PDE1C: variants seen among roughly 807,000 people sequenced by gnomAD.
The protein encoded by PDE1C is phosphodiesterase 1C.
A neutral mutation model predicts 93.1 loss-of-function variants in PDE1C; 62 were observed. The ratio of observed to expected loss-of-function variants is 0.67; its 90% CI spans 0.54 to 0.82. The LOEUF (loss-of-function observed/expected upper bound fraction) is 0.82. Among genes scored for constraint, PDE1C ranks in the 40% least tolerant of loss-of-function variants. PDE1C has a pLI of 0.00. For synonymous variants in PDE1C, 325 were observed against 310.1 expected (o/e 1.05, Z -0.50); for missense variants, 742 against 884.6 (o/e 0.84, Z 2.04).
intron 14 of PDE1C, chr7:31,820,485 A>G (rs143631776): frequency 8.5e-5 from 13 of 152,248 alleles, no homozygotes; most frequent in African/African-American, 3.1e-4. Context: ...AAGGGCTATA[A>G]AAATATTTAT....
the PDE1C span, among the ~76,000 whole-genome samples, chr7:31,634,489 CAGAG>C: frequency 6.6e-6 from 1 of 152,068 alleles, no homozygotes; most frequent in Non-Finnish European, 1.5e-5. Context: ...GGGACAGACT[CAGAG>C]AGAGTAAGAG....
intron 1 of PDE1C, among the ~76,000 whole-genome samples, chr7:32,342,852 G>A (rs1783784910): frequency 6.6e-6 from 1 of 152,120 alleles, no homozygotes; most frequent in African/African-American, 2.4e-5. Flanking sequence ...GCTTTCTTAT[G>A]CAGAAATGTT....
chr7:31,945,510 G>A lies in PDE1C; in HGVS notation c.129-64650C>T, dbSNP rs543577174. On this transcript the variant is annotated intron_variant, in intron 2 of 17. Coordinates refer to ENST00000396191, the MANE Select transcript of PDE1C (RefSeq NM_001191057.4). ...TTCACTAAATAAAAATTCTAGATGGGTAATTTCTTTTTCTTTCAATACTTC... is the reference window on the plus strand; with the variant it reads ...TTCACTAAATAAAAATTCTAGATGGATAATTTCTTTTTCTTTCAATACTTC... Among the ~76,000 whole-genome samples the A allele has an allele frequency of 5.3e-4, 80 of 152,092 alleles. No individual in the cohort carries two copies. In the South Asian group the frequency reaches 0.016, roughly 31 times the overall value.
chr7:31,696,816 G>T, the PDE1C span: 1 of 846,526 alleles, frequency 1.2e-6, no homozygotes, highest in Non-Finnish European at 1.8e-6. Flanking sequence ...AAATACTAAT[G>T]CTTCTTATGA....
At chr7:31,732,638 C>CTTTGTGTGTG in the PDE1C span, among the ~76,000 whole-genome samples, 1 of 144,310 alleles carries the variant, frequency 6.9e-6, no homozygotes, top group East Asian at 2.1e-4. Flanking sequence ...TCCTCTCTTT[C>CTTTGTGTGTG]TGTGTGTGTG....
upstream of PDE1C, among the ~76,000 whole-genome samples, chr7:32,074,115 T>C (rs1015761523): frequency 1.3e-5 from 2 of 152,186 alleles, no homozygotes; most frequent in Admixed American, 1.3e-4. Flanking sequence ...ACTAAGTCTA[T>C]GGACTAGCCA....
intron 3 of PDE1C, among the ~76,000 whole-genome samples, chr7:32,163,399 G>A (rs897871312): frequency 1.3e-5 from 2 of 152,184 alleles, no homozygotes; most frequent in South Asian, 2.1e-4. Context: ...TGAGTTCAAC[G>A]ATTTAATTCT....
intron 3 of PDE1C, among the ~76,000 whole-genome samples, chr7:32,157,006 C>CT (rs1426042808): frequency 1.2e-4 from 19 of 152,210 alleles, no homozygotes; most frequent in African/African-American, 4.6e-4. Flanking sequence ...GAGAAGGACT[C>CT]AGTGTCACTT....
intron 2 of PDE1C, among the ~76,000 whole-genome samples, chr7:31,890,452 C>T (rs1798479263): frequency 6.6e-6 from 1 of 152,130 alleles, no homozygotes; most frequent in African/African-American, 2.4e-5. Context: ...AGGTTGCAAC[C>T]CATGCCTAGA....
At chr7:31,812,825 C>T (rs1410372565) in intron 15 of PDE1C, among the ~76,000 whole-genome samples, 1 of 152,078 alleles carries the variant, frequency 6.6e-6, no homozygotes, top group Non-Finnish European at 1.5e-5. Flanking sequence ...TCTGATGGCC[C>T]CTCTCCCTGA....
intron 1 of PDE1C, among the ~76,000 whole-genome samples, chr7:32,220,037 A>C (rs1429569869): frequency 1.3e-5 from 2 of 151,816 alleles, no homozygotes; most frequent in African/African-American, 4.8e-5. Flanking sequence ...CATGTGAGTC[A>C]TGTCTTTTGC....
At chr7:32,078,060 T>C (rs1245155350) in intron 3 of PDE1C, 1 of 983,774 alleles carries the variant, frequency 1.0e-6, no homozygotes, top group Non-Finnish European at 1.2e-6. Flanking sequence ...CTAATGAAAT[T>C]GAAATTTTTG....
chr7:31,872,420 C>T (rs556385432), intron 6 of PDE1C, among the ~76,000 whole-genome samples: 2 of 152,086 alleles, frequency 1.3e-5, no homozygotes, highest in South Asian at 2.1e-4. Flanking sequence ...ATAAATAATG[C>T]GGGTAATGGA....
At chr7:31,961,642 C>A (rs188119120) in intron 2 of PDE1C, among the ~76,000 whole-genome samples, 6 of 152,260 alleles carry the variant, frequency 3.9e-5, no homozygotes, top group Admixed American at 3.3e-4. Flanking sequence ...TAGTTCCATA[C>A]TGGATCATGC....
intron 2 of PDE1C, among the ~76,000 whole-genome samples, chr7:31,934,461 G>A (rs1563060522): frequency 6.6e-6 from 1 of 151,644 alleles, no homozygotes; most frequent in Non-Finnish European, 1.5e-5. Context: ...TGTGTAACAT[G>A]CTTTGCACTG....
At chr7:32,332,413 C>A (rs183768711) in intron 1 of PDE1C, among the ~76,000 whole-genome samples, 85 of 152,078 alleles carry the variant, frequency 5.6e-4, no homozygotes, top group African/African-American at 2.0e-3. Context: ...GCAAATAACC[C>A]TCTCATACAT....
intron 3 of PDE1C, among the ~76,000 whole-genome samples, chr7:32,127,062 A>G (rs1799626558): frequency 6.6e-6 from 1 of 152,216 alleles, no homozygotes; most frequent in African/African-American, 2.4e-5. Flanking sequence ...GGGCCTGCAC[A>G]GAACAAAAAA....
intron 14 of PDE1C, among the ~76,000 whole-genome samples, chr7:31,818,546 T>A (rs1788554356): frequency 1.3e-5 from 2 of 152,194 alleles, no homozygotes; most frequent in African/African-American, 2.4e-5. Context: ...TCTGTATGTA[T>A]CTTCATCAGT....
intron 16 of PDE1C, among the ~76,000 whole-genome samples, chr7:31,777,150 A>G (rs1260632329): frequency 1.3e-5 from 2 of 151,992 alleles, no homozygotes; most frequent in Non-Finnish European, 2.9e-5. Context: ...ATAAAAAAAA[A>G]AGAAAGAAAC....
Sources: gnomAD v4.1 joint callset for allele counts (sites outside exome capture counted in the v4.1 genomes callset) on GRCh38, gnomAD v4.1.1 for gene constraint, MANE v1.5 for transcripts, NCBI Gene and HGNC (gene_info 2026-07-23, HGNC 2026-07-21) for gene names.